The following HDGFL2 variants were observed in gnomAD, a reference collection of about 807,000 sequenced individuals.
HDGFL2 encodes HDGF like 2.
In HDGFL2, 36 loss-of-function variants were observed where a neutral mutation model predicts 77.1. That is an observed-to-expected ratio of 0.47 (90% CI 0.36 to 0.62). The LOEUF (loss-of-function observed/expected upper bound fraction) is 0.62. Ranked by LOEUF, HDGFL2 falls within the 20% of genes least tolerant of loss-of-function variation. HDGFL2 has a pLI of 0.00. For synonymous variants in HDGFL2, 463 were observed against 413.1 expected (o/e 1.12, Z -1.46); for missense variants, 976 against 973.4 (o/e 1.00, Z -0.04).
At chr19:4,496,685 G>A (rs1291041151) in intron 10 of HDGFL2, among the ~76,000 whole-genome samples, 1 of 152,106 alleles carries the variant, frequency 6.6e-6, no homozygotes, top group African/African-American at 2.4e-5. Flanking sequence ...GGTGCTCCTG[G>A]CATGGAGCGG....
chr19:4,493,277 G>A (rs1304229998), intron 6 of HDGFL2, among the ~76,000 whole-genome samples: 2 of 149,140 alleles, frequency 1.3e-5, no homozygotes, highest in African/African-American at 2.5e-5. Context: ...TGGTGTGTGT[G>A]TTGTCTGTGT....
chr19:4,486,633 A>T (rs1013799176), intron 3 of HDGFL2, among the ~76,000 whole-genome samples: 12 of 151,864 alleles, frequency 7.9e-5, no homozygotes, highest in African/African-American at 2.7e-4. Flanking sequence ...AGGTCAAGAG[A>T]TTGAGATCAT....
intron 4 of HDGFL2, among the ~76,000 whole-genome samples, chr19:4,490,880 C>A (rs944652972): frequency 6.6e-6 from 1 of 151,342 alleles, no homozygotes; most frequent in African/African-American, 2.4e-5. Flanking sequence ...GGCGCAATCT[C>A]GGCTCACCGC....
chr19:4,483,104 C>G (rs929242090), intron 3 of HDGFL2, among the ~76,000 whole-genome samples: 10 of 152,270 alleles, frequency 6.6e-5, no homozygotes, highest in Non-Finnish European at 1.5e-4. Context: ...TTATTACTCT[C>G]AGCGTTCTCC....
Position 4,494,292 on chromosome 19 carries a change from G to A in HDGFL2, c.1041G>A (p.Lys347=), listed in dbSNP as rs1975639148. The change falls in exon 9 of 16, where the codon AAG becomes AAA. Residue 347 remains lysine (K), a synonymous_variant. Transcript: ENST00000616600. Reference sequence around the variant, plus strand: ...TGCGGCGCCTGCGGGAGCAGGAGAAGGAGGAGAAGGAGCGGAGGCGCGAGC... The same window carrying A: ...TGCGGCGCCTGCGGGAGCAGGAGAAAGAGGAGAAGGAGCGGAGGCGCGAGC... ...EELRRLREQE[K]EEKERRRERA... 2 of 1,445,660 alleles carry A rather than the reference G, an allele frequency of 1.4e-6. No individual in the cohort carries two copies. Among genetic ancestry groups the A allele is most frequent in the South Asian group, 1.4e-5 (1 of 69,140 alleles). The allele number at this position is 1,445,660 out of a possible 1,614,324, so 89.6% of individuals were successfully genotyped here.
chr19:4,479,382 GA>G (rs1490325606), intron 3 of HDGFL2, among the ~76,000 whole-genome samples: 1 of 151,698 alleles, frequency 6.6e-6, no homozygotes, highest in Non-Finnish European at 1.5e-5. Context: ...AGGTGATCGA[GA>G]CCATCCTGGC....
At chr19:4,478,770 C>T (rs544891268) in intron 3 of HDGFL2, among the ~76,000 whole-genome samples, 1 of 151,884 alleles carries the variant, frequency 6.6e-6, no homozygotes, top group East Asian at 2.0e-4. Flanking sequence ...CAACCTCTGT[C>T]TCCTGGGTTT....
At chr19:4,489,049 G>C (rs1368481693) in intron 4 of HDGFL2, among the ~76,000 whole-genome samples, 173 bp downstream of exon 4, 1 of 150,472 alleles carries the variant, frequency 6.6e-6, no homozygotes, top group African/African-American at 2.5e-5. Context: ...CGCCTCCCAG[G>C]TTCAAGCAAT....
intron 3 of HDGFL2, among the ~76,000 whole-genome samples, chr19:4,478,972 C>T (rs1368077200): frequency 2.0e-5 from 3 of 151,738 alleles, no homozygotes; most frequent in African/African-American, 4.8e-5. Context: ...CGTGAGCCAC[C>T]GCGCCCAACA....
chr19:4,499,423 G>A (rs1173094366), intron 13 of HDGFL2, 68 bp from the exon 14 acceptor site: 22 of 1,449,554 alleles, frequency 1.5e-5, no homozygotes, highest in South Asian at 3.7e-5. Flanking sequence ...TTGCTGGGGC[G>A]AGGGGTTCAG....
intron 4 of HDGFL2, among the ~76,000 whole-genome samples, chr19:4,489,786 T>C (rs7249084): frequency 0.51 from 78,032 of 152,052 alleles, 20,512 homozygotes; most frequent in African/African-American, 0.61. Flanking sequence ...GATTCATCCT[T>C]CCTGAATATA....
chr19:4,500,821 G>A (rs1478374952), intron 14 of HDGFL2, among the ~76,000 whole-genome samples: 3 of 152,092 alleles, frequency 2.0e-5, no homozygotes, highest in Admixed American at 1.3e-4. Flanking sequence ...TACTCAGGCT[G>A]GTCTTGAACT....
At chr19:4,496,850 G>C (rs113606920) in intron 10 of HDGFL2, 5 of 399,500 alleles carry the variant, frequency 1.3e-5, no homozygotes, top group South Asian at 3.9e-5. Flanking sequence ...TGGGCAGACA[G>C]AGCCTGTCTC....
intron 9 of HDGFL2, 83 bp from the exon 10 acceptor site, chr19:4,496,219 C>T: frequency 8.9e-7 from 1 of 1,121,390 alleles, no homozygotes; most frequent in Non-Finnish European, 1.4e-6. Context: ...GGTCGAGCTG[C>T]ATCTCCTGGT....
At chr19:4,495,973 C>G (rs545043095) in intron 9 of HDGFL2, among the ~76,000 whole-genome samples, 5 of 152,150 alleles carry the variant, frequency 3.3e-5, no homozygotes, top group Non-Finnish European at 7.4e-5. Flanking sequence ...CGAACAGCGC[C>G]GTGTTCTCTC....
intron 12 of HDGFL2, 23 bp downstream of exon 12, chr19:4,498,399 G>C (rs376466015): frequency 1.7e-4 from 278 of 1,591,586 alleles, no homozygotes; most frequent in African/African-American, 1.4e-3. Flanking sequence ...GGGCCTGTGA[G>C]CCAAGCAGTC....
At chr19:4,493,095 TGG>T (rs1975581537) in intron 6 of HDGFL2, among the ~76,000 whole-genome samples, 1 of 52,214 alleles carries the variant, frequency 1.9e-5, no homozygotes, top group African/African-American at 8.8e-5. Flanking sequence ...GTTATCTGTG[TGG>T]TGTGTGGTGT....
chr19:4,490,847 T>C (rs925899583), intron 4 of HDGFL2, among the ~76,000 whole-genome samples: 3 of 151,742 alleles, frequency 2.0e-5, no homozygotes, highest in Non-Finnish European at 4.4e-5. Context: ...GTTTCACTCT[T>C]GTCACCCAGG....
Position 4,488,752 on chromosome 19 carries a change from A to G in HDGFL2, c.365A>G (p.Asp122Gly). The G allele has an allele frequency of 5.2e-6, 8 of 1,553,364 alleles. No individual in the cohort carries two copies. Among genetic ancestry groups the G allele is most frequent in the Non-Finnish European group, 7.0e-6 (8 of 1,148,090 alleles). Residue 122 changes from aspartate to glycine, a missense_variant, in exon 4 of 16, where the codon GAC (aspartate) becomes GGC (glycine). This residue lies in a region of HDGFL2 where 567 missense variants were observed against 534.7 expected (regional missense o/e 1.06). Coordinates refer to ENST00000616600, the MANE Select transcript of HDGFL2 (RefSeq NM_001001520.3). ...AGTGACGCTGACGAGGACGATGAGG[A>G]CCGGGGGGTCATGGCCGTCACAGCG... ...DGSDADEDDE[D>G]RGVMAVTAVT... is the part of the protein sequence containing the mutation.
Sources: gnomAD v4.1 joint callset for allele counts (sites outside exome capture counted in the v4.1 genomes callset) on GRCh38, gnomAD v4.1.1 for gene constraint, gnomAD v4.1.1 regional missense constraint, MANE v1.5 for transcripts, NCBI Gene and HGNC (gene_info 2026-07-23, HGNC 2026-07-21) for gene names.